The following PRDM16 variants were observed in gnomAD, a reference collection of about 807,000 sequenced individuals.
PRDM16 encodes histone-lysine N-methyltransferase PRDM16.
Under a neutral mutation model 110.6 loss-of-function variants are expected in PRDM16, and 23 were observed. That is an observed-to-expected ratio of 0.21 (90% CI 0.15 to 0.29). The LOEUF is 0.29. Among genes scored for constraint, PRDM16 ranks in the 10% least tolerant of loss-of-function variants. PRDM16 has a pLI of 1.00. For missense variants in PRDM16, 1,615 were observed against 1,794.3 expected, an observed-to-expected ratio of 0.90 and a Z score of 1.81; for synonymous variants, 799 against 781.8, an observed-to-expected ratio of 1.02 and a Z score of -0.37.
At chr1:3,398,593 C>A (rs772653180) in intron 5 of PRDM16, among the ~76,000 whole-genome samples, 1 of 152,198 alleles carries the variant, frequency 6.6e-6, no homozygotes, top group Non-Finnish European at 1.5e-5. Context: ...TAGATTAGTA[C>A]GTAGACGCCA....
chr1:3,305,723 C>T (rs7529402), intron 3 of PRDM16, among the ~76,000 whole-genome samples: 176 of 152,344 alleles, frequency 1.2e-3, no homozygotes, highest in African/African-American at 4.0e-3. Context: ...CCCAGCTCCG[C>T]GACTTTTGCA....
At chr1:3,110,258 T>C (rs1426189821) in intron 1 of PRDM16, among the ~76,000 whole-genome samples, 8 of 114,542 alleles carry the variant, frequency 7.0e-5, no homozygotes, top group South Asian at 3.3e-4. Context: ...ACAGTGGCTG[T>C]GGCTCCCCTA....
At chr1:3,345,758 C>G (rs1417843977) in intron 3 of PRDM16, among the ~76,000 whole-genome samples, 1 of 149,610 alleles carries the variant, frequency 6.7e-6, no homozygotes, top group Admixed American at 6.6e-5. Context: ...CAGGCCACCC[C>G]TCGGGTCCTC....
At chr1:3,144,213 C>A (rs1643603416) in intron 1 of PRDM16, among the ~76,000 whole-genome samples, 1 of 152,180 alleles carries the variant, frequency 6.6e-6, no homozygotes, top group South Asian at 2.1e-4. Context: ...TGGGCACCAT[C>A]ACTGCCCTGG....
intron 1 of PRDM16, among the ~76,000 whole-genome samples, chr1:3,182,414 T>C (rs1644222103): frequency 6.6e-6 from 1 of 152,196 alleles, no homozygotes; most frequent in Non-Finnish European, 1.5e-5. Flanking sequence ...TTTAGCACAG[T>C]GGTCCTGATC....
intron 14 of PRDM16, among the ~76,000 whole-genome samples, chr1:3,428,175 A>G (rs12754361): frequency 0.012 from 1,357 of 114,252 alleles, 54 homozygotes; most frequent in East Asian, 0.066. Context: ...GCCCGGCCGC[A>G]CTGCAGGAGA....
At chr1:3,114,818 G>A (rs890365685) in intron 1 of PRDM16, among the ~76,000 whole-genome samples, 1 of 152,250 alleles carries the variant, frequency 6.6e-6, no homozygotes, top group Non-Finnish European at 1.5e-5. Flanking sequence ...ACCATCCCAG[G>A]TCAGCCCTGC....
intron 4 of PRDM16, 70 bp downstream of exon 4, chr1:3,385,356 G>C: frequency 6.4e-7 from 1 of 1,552,296 alleles, no homozygotes; most frequent in Non-Finnish European, 8.9e-7. Flanking sequence ...ACCAAGATTG[G>C]TGGAGGTGCC....
At chr1:3,156,258 A>G (rs1276098482) in intron 1 of PRDM16, among the ~76,000 whole-genome samples, 4 of 152,188 alleles carry the variant, frequency 2.6e-5, no homozygotes, top group Non-Finnish European at 5.9e-5. Flanking sequence ...GCAGCAGGAC[A>G]GTTTCCACGC....
chr1:3,416,005 C>T (rs530287449), intron 10 of PRDM16, among the ~76,000 whole-genome samples: 1 of 152,342 alleles, frequency 6.6e-6, no homozygotes, highest in South Asian at 2.1e-4. Flanking sequence ...GCCCATCGCT[C>T]ATCACTCGTT....
intron 8 of PRDM16, among the ~76,000 whole-genome samples, chr1:3,410,770 G>A (rs1042429839): frequency 5.3e-5 from 8 of 152,156 alleles, no homozygotes; most frequent in Admixed American, 6.5e-5. Context: ...AAGGCAGGGC[G>A]GGCCCTGAGC....
At chr1:3,287,886 G>A (rs111987260) in intron 3 of PRDM16, among the ~76,000 whole-genome samples, 1 of 152,230 alleles carries the variant, frequency 6.6e-6, no homozygotes, top group Admixed American at 6.5e-5. Flanking sequence ...CGGGGCTGGA[G>A]CCGCCCCCTG....
At position 3,345,727 on chromosome 1, in the gene PRDM16, C is replaced by T. The variant is rs115015911; in HGVS notation, c.439-39425C>T. On this transcript the variant is annotated intron_variant, in intron 3 of 16. Transcript: ENST00000270722. ...CCCATGCTGCCCTCTCGGGTCCTCC[C>T]GTGCTGCCCCCTCTGTGGTCCAGGC... is the stretch of plus-strand genomic sequence containing the variant. 9.3e-3 allele frequency among the ~76,000 whole-genome samples: 1,401 copies of T among 150,872 alleles called. 9 individuals are homozygous for T. The highest frequency in any genetic ancestry group is 0.032 in the African/African-American group (1,303 of 40,958).
chr1:3,247,699 G>A (rs1443148004), intron 3 of PRDM16, among the ~76,000 whole-genome samples: 1 of 152,228 alleles, frequency 6.6e-6, no homozygotes, highest in Non-Finnish European at 1.5e-5. Context: ...GCTGGCCCGC[G>A]CTCGCTCTGG....
At chr1:3,299,593 C>T (rs377066606) in intron 3 of PRDM16, among the ~76,000 whole-genome samples, 54 of 62,154 alleles carry the variant, frequency 8.7e-4, no homozygotes, top group Non-Finnish European at 1.1e-3. Flanking sequence ...TTGAAGATGC[C>T]GTGCTGTGGC....
chr1:3,376,973 G>A (rs563114550), intron 3 of PRDM16, among the ~76,000 whole-genome samples: 6 of 152,336 alleles, frequency 3.9e-5, no homozygotes, highest in Admixed American at 3.3e-4. Context: ...ACACCGGACC[G>A]AGGTGTTTCC....
chr1:3,425,795 C>T lies in PRDM16; in HGVS notation c.3109+45C>T, dbSNP rs1228505718. 10 of 1,605,330 alleles carry T rather than the reference C, an allele frequency of 6.2e-6. No individual in the cohort carries two copies. The Admixed American group carries it at 8.4e-5, about 13-fold the overall frequency. On this transcript the variant is annotated intron_variant, in intron 13 of 16. Coordinates refer to ENST00000270722, the MANE Select transcript of PRDM16 (RefSeq NM_022114.4). The surrounding 1 kb of genome is among the most constrained non-coding windows in gnomAD (Gnocchi z 6.9). ...GCAGCCCCCAGAGCACCCACACGGG[C>T]AGGCCCCACAGAGGGGGAGGGGGAA... is the stretch of plus-strand genomic sequence containing the variant.
In PRDM16 at chr1:3,202,568, C is replaced by G. The variant is rs1485697350; in HGVS notation, c.387+16094C>G. Among the ~76,000 whole-genome samples, 3 of 152,194 alleles carry G rather than the reference C, an allele frequency of 2.0e-5. No individual in the cohort carries two copies. In the East Asian group the frequency reaches 5.8e-4, roughly 29 times the overall value. ...TCTCTGGCTGCGCTGCCCATGTCCC[C>G]TTAAGGGTCTGCAGGTGAAGGATGG... On this transcript the variant is annotated intron_variant, in intron 2 of 16. Transcript: ENST00000270722.
intron 1 of PRDM16, among the ~76,000 whole-genome samples, chr1:3,073,201 C>T (rs1641809660): frequency 6.6e-6 from 1 of 152,178 alleles, no homozygotes. Flanking sequence ...GTGAAGGGGA[C>T]CCAGCAGCCA....
Sources: allele counts gnomAD v4.1 joint callset (sites outside exome capture counted in the v4.1 genomes callset), GRCh38; gene constraint gnomAD v4.1.1; non-coding constraint Gnocchi (gnomAD v3.1); transcripts MANE v1.5; gene names NCBI Gene and HGNC (gene_info 2026-07-23, HGNC 2026-07-21).